ASIP: variants seen among roughly 807,000 people sequenced by gnomAD.
The protein encoded by ASIP is agouti-signaling protein.
Under a neutral mutation model 10.3 loss-of-function variants are expected in ASIP, and 11 were observed. The observed-to-expected ratio is 1.07, with a 90% CI of 0.68 to 1.78. The LOEUF (loss-of-function observed/expected upper bound fraction) is 1.78, where lower values mean the gene tolerates loss of function less well. Among genes scored for constraint, ASIP ranks in the 40% most tolerant of loss-of-function variants. The probability of loss-of-function intolerance (pLI) is 0.00; values close to 1 mark genes in which losing one functional copy is unlikely to be tolerated. For synonymous variants in ASIP, 70 were observed against 70.8 expected (o/e 0.99, Z 0.06); for missense variants, 180 against 169.2 (o/e 1.06, Z -0.35).
chr20:34,268,858 CG>C, intron 3 of ASIP, 132 bp from the exon 4 acceptor site: 1 of 1,081,614 alleles, frequency 9.2e-7, no homozygotes. Flanking sequence ...GGGGAGCGGG[CG>C]GTGGGCGGTG....
At chr20:34,222,247 G>A (rs2035052432) in intron 1 of ASIP, among the ~76,000 whole-genome samples, 1 of 152,036 alleles carries the variant, frequency 6.6e-6, no homozygotes. Flanking sequence ...AATTTGAGTT[G>A]GCAATGGTAG....
At chr20:34,199,383 A>T (rs1352824986) in intron 1 of ASIP, among the ~76,000 whole-genome samples, 1 of 151,986 alleles carries the variant, frequency 6.6e-6, no homozygotes, top group African/African-American at 2.4e-5. Context: ...TTCCGCTTTT[A>T]CAGATATTGT....
chr20:34,249,219 C>T (rs1218400508), intron 1 of ASIP, among the ~76,000 whole-genome samples: 3 of 152,110 alleles, frequency 2.0e-5, no homozygotes, highest in Non-Finnish European at 4.4e-5. Flanking sequence ...AGAAGTCACA[C>T]AGGGAGCTAG....
intron 1 of ASIP, among the ~76,000 whole-genome samples, chr20:34,195,945 T>A (rs1601566935): frequency 6.6e-6 from 1 of 152,238 alleles, no homozygotes; most frequent in East Asian, 1.9e-4. Context: ...AAAGGGCCTG[T>A]TTCTGCTTCT....
rs1568744502 is a variant in ASIP, at chr20:34,201,024, CTTTCTTTCT to C, written c.-11+6267_-11+6275del. Among the ~76,000 whole-genome samples the C allele has an allele frequency of 5.3e-3, 438 of 82,476 alleles. 2 individuals are homozygous for C. Among genetic ancestry groups the C allele is most frequent in the Non-Finnish European group, 6.9e-3 (325 of 47,360 alleles). The allele number at this position is 82,476 out of a possible 152,430, so 54.1% of individuals were successfully genotyped here. On this transcript the variant is annotated intron_variant, in intron 1 of 3. Coordinates refer to the ASIP transcript ENST00000568305. ...TCCTTCCTTCCTTCCTTCCTTCTTT[CTTTCTTTCT>C]TTCTTTCTTTCTTTCTTTCTTTCTT...
At chr20:34,221,300 C>T (rs2035045800) in intron 1 of ASIP, among the ~76,000 whole-genome samples, 1 of 151,882 alleles carries the variant, frequency 6.6e-6, no homozygotes, top group South Asian at 2.1e-4. Context: ...ATGGCGTGAA[C>T]CTGGGAGGCG....
At chr20:34,194,409 A>G (rs1195832719), upstream of ASIP, among the ~76,000 whole-genome samples, 2 of 151,598 alleles carry the variant, frequency 1.3e-5, no homozygotes, top group Admixed American at 1.3e-4. Context: ...AACAAAAAAC[A>G]CCCTTGAGGT....
In ASIP at chr20:34,204,316, G is replaced by T. The variant is rs190575156; in HGVS notation, c.-11+9556G>T. ...GCTCGCCGCAACCTCCGCCTCGTGG[G>T]TTAAAGCGATTCTCCTGCCTCAGCC... On this transcript the variant is annotated intron_variant, in intron 1 of 3. Coordinates refer to the ASIP transcript ENST00000568305. 2.1e-3 allele frequency among the ~76,000 whole-genome samples: 326 copies of T among 151,734 alleles called. 3 individuals are homozygous for T. Among genetic ancestry groups the T allele is most frequent in the African/African-American group, 7.7e-3 (318 of 41,376 alleles).
chr20:34,198,526 A>T (rs974274778), intron 1 of ASIP, among the ~76,000 whole-genome samples: 3 of 152,016 alleles, frequency 2.0e-5, no homozygotes, highest in African/African-American at 7.2e-5. Flanking sequence ...TCCCTCTGTC[A>T]CCCAGGCTGG....
chr20:34,224,228 TAAAAAA>T (rs143196814), intron 1 of ASIP, among the ~76,000 whole-genome samples: 1 of 131,482 alleles, frequency 7.6e-6, no homozygotes, highest in South Asian at 2.4e-4. Flanking sequence ...AAAAATAAAT[TAAAAAA>T]AAAAAAGTTA....
chr20:34,263,333 G>A (rs1260618608), intron 3 of ASIP, among the ~76,000 whole-genome samples: 1 of 152,352 alleles, frequency 6.6e-6, no homozygotes, highest in East Asian at 1.9e-4. Context: ...GGGAGGCCAA[G>A]GTGGGTGAAT....
intron 1 of ASIP, among the ~76,000 whole-genome samples, chr20:34,235,836 A>AAG (rs1568755894): frequency 1.6e-5 from 1 of 64,190 alleles, no homozygotes; most frequent in African/African-American, 1.6e-4. Flanking sequence ...AAAGAAAGAA[A>AAG]GAAAGAAGGA....
At chr20:34,223,583 C>T (rs1231899476) in intron 1 of ASIP, among the ~76,000 whole-genome samples, 1 of 146,026 alleles carries the variant, frequency 6.8e-6, no homozygotes, top group Non-Finnish European at 1.5e-5. Context: ...CCGTGCCCTC[C>T]GGGAGGGAGG....
intron 1 of ASIP, among the ~76,000 whole-genome samples, chr20:34,211,709 G>T (rs1199102088): frequency 6.6e-6 from 1 of 152,158 alleles, no homozygotes; most frequent in African/African-American, 2.4e-5. Context: ...TCATTTTGAA[G>T]ATATCATTCC....
chr20:34,225,188 C>T (rs546835242), intron 1 of ASIP, among the ~76,000 whole-genome samples: 3 of 150,656 alleles, frequency 2.0e-5, no homozygotes, highest in East Asian at 1.9e-4. Context: ...ATTACAGGTG[C>T]GTGCCACCAC....
At chr20:34,268,959 C>T (rs1305775001) in intron 3 of ASIP, 32 bp from the exon 4 acceptor site, 2 of 1,574,402 alleles carry the variant, frequency 1.3e-6, no homozygotes, top group East Asian at 2.3e-5. Flanking sequence ...TGGGCGTGGC[C>T]GGCTCATAAA....
chr20:34,258,180 TA>T (rs2035606101), intron 1 of ASIP, among the ~76,000 whole-genome samples: 1 of 151,590 alleles, frequency 6.6e-6, no homozygotes, highest in South Asian at 2.1e-4. Context: ...AAGAAATAGT[TA>T]AGTGCTCCAT....
intron 3 of ASIP, among the ~76,000 whole-genome samples, chr20:34,266,845 C>G (rs911016345): frequency 1.3e-5 from 2 of 152,138 alleles, no homozygotes; most frequent in African/African-American, 4.8e-5. Context: ...AAAATCATAC[C>G]ACCATTAACA....
upstream of ASIP, among the ~76,000 whole-genome samples, chr20:34,193,258 A>G (rs1272275826): frequency 6.6e-6 from 1 of 152,218 alleles, no homozygotes; most frequent in African/African-American, 2.4e-5. Context: ...CAACCTCTTT[A>G]AACCAACTTT....
Sources: gnomAD v4.1 joint callset for allele counts (sites outside exome capture counted in the v4.1 genomes callset) on GRCh38, gnomAD v4.1.1 for gene constraint, MANE v1.5 for transcripts, NCBI Gene and HGNC (gene_info 2026-07-23, HGNC 2026-07-21) for gene names.